The following ABLIM2 variants were observed in gnomAD, a reference collection of about 807,000 sequenced individuals.
ABLIM2 encodes the protein actin binding LIM protein family member 2.
Under a neutral mutation model 97.7 loss-of-function variants are expected in ABLIM2, and 53 were observed. The ratio of observed to expected loss-of-function variants is 0.54; its 90% CI spans 0.44 to 0.68. The LOEUF (loss-of-function observed/expected upper bound fraction) is 0.68, where lower values mean the gene tolerates loss of function less well. ABLIM2 is among the 30% of genes least tolerant of loss of function. The pLI is 0.00. For synonymous variants in ABLIM2, 361 were observed against 345.8 expected (o/e 1.04, Z -0.49); for missense variants, 835 against 867.2 (o/e 0.96, Z 0.47).
chr4:8,039,628 T>C (rs1786806004), intron 9 of ABLIM2, among the ~76,000 whole-genome samples: 1 of 152,208 alleles, frequency 6.6e-6, no homozygotes, highest in Non-Finnish European at 1.5e-5. Context: ...TATGGCCACT[T>C]ACAACAGTAT....
intron 1 of ABLIM2, among the ~76,000 whole-genome samples, chr4:8,110,595 CAAG>C (rs1488941911): frequency 7.4e-6 from 1 of 135,710 alleles, no homozygotes; most frequent in African/African-American, 2.8e-5. Flanking sequence ...TGGTTATTTT[CAAG>C]AACACTGGCC....
chr4:8,007,121 T>C (rs1560561597), intron 16 of ABLIM2: 1 of 985,324 alleles, frequency 1.0e-6, no homozygotes, highest in Non-Finnish European at 1.2e-6. Context: ...CTACTTTCAT[T>C]GTTAAGTAGG....
rs1198044141 is a variant in ABLIM2 at position 8,087,988 on chromosome 4, C to A, written c.454+181G>T. Among the ~76,000 whole-genome samples, 7 of 126,568 alleles carry A rather than the reference C, an allele frequency of 5.5e-5. No homozygotes were observed. The highest frequency in any genetic ancestry group is 5.8e-5 in the African/African-American group (2 of 34,322). 83.0% of individuals were successfully genotyped at this position (126,568 alleles called of 152,430 possible). On this transcript the variant is annotated intron_variant, in intron 4 of 20. Transcript: ENST00000447017. This position sits in a 1 kb window ranked among gnomAD's most constrained non-coding sequence, Gnocchi z 4.6. ...CAAGCCCCCAACTCAGCACCCCCCCCACAACCAGCAAGCCCCCACTTAGCA... is the reference window on the plus strand; with the variant it reads ...CAAGCCCCCAACTCAGCACCCCCCCAACAACCAGCAAGCCCCCACTTAGCA...
intron 20 of ABLIM2, among the ~76,000 whole-genome samples, chr4:7,976,233 G>A (rs1405754803): frequency 6.6e-6 from 1 of 152,136 alleles, no homozygotes; most frequent in Non-Finnish European, 1.5e-5. Flanking sequence ...AGCCTGCAGC[G>A]ACACCTGGGG....
chr4:8,092,703 G>C (rs1829488758), intron 3 of ABLIM2, among the ~76,000 whole-genome samples: 1 of 151,936 alleles, frequency 6.6e-6, no homozygotes, highest in Admixed American at 6.6e-5. Context: ...ACCCCCTTTG[G>C]AAAAAGCACA....
chr4:8,142,602 C>T (rs977908450), intron 1 of ABLIM2, among the ~76,000 whole-genome samples: 1 of 152,236 alleles, frequency 6.6e-6, no homozygotes, highest in Non-Finnish European at 1.5e-5. Flanking sequence ...TGCATGGGCT[C>T]ACTGGGGTCA....
chr4:7,967,631 G>T (rs976920312), intron 20 of ABLIM2, among the ~76,000 whole-genome samples: 6 of 152,240 alleles, frequency 3.9e-5, no homozygotes, highest in Admixed American at 2.6e-4. Context: ...GAAGCCCCTG[G>T]TGTGTAAGCG....
intron 10 of ABLIM2, among the ~76,000 whole-genome samples, chr4:8,035,908 AG>A (rs1560821217): frequency 6.6e-6 from 1 of 152,228 alleles, no homozygotes; most frequent in African/African-American, 2.4e-5. Context: ...ACTCCATTTA[AG>A]GAGGCATTCC....
intron 10 of ABLIM2, among the ~76,000 whole-genome samples, chr4:8,034,175 C>T (rs929361899): frequency 2.6e-5 from 4 of 152,194 alleles, no homozygotes; most frequent in Non-Finnish European, 5.9e-5. Flanking sequence ...GACTCTCTTC[C>T]AGCATCTGGT....
chr4:8,097,838 G>A (rs1240253056), intron 2 of ABLIM2, among the ~76,000 whole-genome samples: 2 of 150,812 alleles, frequency 1.3e-5, no homozygotes, highest in Admixed American at 6.6e-5. Flanking sequence ...CATGGCCCTC[G>A]ACGCCTGTCT....
At position 8,084,965 on chromosome 4, in the gene ABLIM2, A is replaced by G. The variant is rs28608188; in HGVS notation, c.454+3204T>C. On this transcript the variant is annotated intron_variant, in intron 4 of 20. Coordinates refer to ENST00000447017, the MANE Select transcript of ABLIM2 (RefSeq NM_001130083.2). ...GGCTCGTGACCAGCAATGGGTCAGC[A>G]CTGGAGAGCTGGGGGCCTCACGGGA... Among the ~76,000 whole-genome samples the G allele has an allele frequency of 5.0e-3, 763 of 152,246 alleles. 8 individuals carry two copies. Among genetic ancestry groups the G allele is most frequent in the African/African-American group, 0.017 (723 of 41,546 alleles).
chr4:8,119,749 A>T (rs1044259285), intron 1 of ABLIM2, among the ~76,000 whole-genome samples: 3 of 152,116 alleles, frequency 2.0e-5, no homozygotes, highest in African/African-American at 7.2e-5. Context: ...AAACAATCAA[A>T]CAAACAATTT....
At chr4:7,974,173 GTCTA>G (rs370714600) in intron 20 of ABLIM2, among the ~76,000 whole-genome samples, 325 of 152,048 alleles carry the variant, frequency 2.1e-3, no homozygotes, top group Non-Finnish European at 3.6e-3. Flanking sequence ...CTGTCTGTCT[GTCTA>G]TCTATCTATC....
intron 3 of ABLIM2, among the ~76,000 whole-genome samples, chr4:8,091,519 A>AT (rs1561330409): frequency 2.6e-5 from 1 of 38,186 alleles, no homozygotes; most frequent in Non-Finnish European, 4.2e-5. Context: ...AATATAAAAT[A>AT]TATATTATAT....
rs1820974653 is a variant in ABLIM2 at position 8,083,099 on chromosome 4, C to G, written c.455-2297G>C. ...GGACAGCCGCCCTCAACAGGGCTCT[C>G]TGGCCCCACATGTGAATGGTGCTGG... On this transcript the variant is annotated intron_variant, in intron 4 of 20. Coordinates refer to ENST00000447017, the MANE Select transcript of ABLIM2 (RefSeq NM_001130083.2). The surrounding 1 kb of genome is among the most constrained non-coding windows in gnomAD (Gnocchi z 4.6). Among the ~76,000 whole-genome samples, 1 of 152,190 alleles carries G rather than the reference C, an allele frequency of 6.6e-6. No homozygotes were observed.
At position 8,082,447 on chromosome 4, in the gene ABLIM2, C is replaced by G. The variant is rs554611393; in HGVS notation, c.455-1645G>C. 1.3e-4 allele frequency among the ~76,000 whole-genome samples: 20 copies of G among 152,358 alleles called. No homozygotes were observed. The highest frequency in any genetic ancestry group is 1.2e-3 in the Admixed American group (18 of 15,304). On this transcript the variant is annotated intron_variant, in intron 4 of 20. Transcript: ENST00000447017. This position sits in a 1 kb window ranked among gnomAD's most constrained non-coding sequence, Gnocchi z 5.6. ...TGAACAGTGAGCATCGGCGAGACCC[C>G]CTGTGGGCCTGCTGTGCGGTGAGAG...
Position 8,019,539 on chromosome 4 carries a change from A to C in ABLIM2, c.1423+79T>G. 1 of 1,410,130 alleles carries C rather than the reference A, an allele frequency of 7.1e-7. No homozygotes were observed. The allele number at this position is 1,410,130 out of a possible 1,614,324, so 87.4% of individuals were successfully genotyped here. A position where few individuals can be genotyped will look rare whatever the true frequency, so the allele number is the denominator to read the frequency against. ...TTCACTGCATTTATCAGAACACAAC[A>C]AAAGGATGCATTCAGAAGCAGATGG... is the stretch of plus-strand genomic sequence containing the variant. On this transcript the variant is annotated intron_variant, in intron 14 of 20. Transcript: ENST00000447017. This position sits in a 1 kb window ranked among gnomAD's most constrained non-coding sequence, Gnocchi z 4.3.
At position 8,112,268 on chromosome 4, in the gene ABLIM2, A is replaced by G. The variant is rs1840717679; in HGVS notation, c.11-5631T>C. The stretch of plus-strand genomic sequence containing the variant: ...CTGAACTCCTGGTCTGCCACCAGCC[A>G]GCCAGAATGGGAGCCAGCAGGGTCC... On this transcript the variant is annotated intron_variant, in intron 1 of 20. Transcript: ENST00000447017. The surrounding 1 kb of genome is among the most constrained non-coding windows in gnomAD (Gnocchi z 4.2). Among the ~76,000 whole-genome samples, 2 of 152,230 alleles carry G rather than the reference A, an allele frequency of 1.3e-5. No individual in the cohort carries two copies. The highest frequency in any genetic ancestry group is 4.8e-5 in the African/African-American group (2 of 41,466).
intron 1 of ABLIM2, among the ~76,000 whole-genome samples, chr4:8,158,099 C>T (rs1715986153): frequency 1.3e-5 from 2 of 152,232 alleles, no homozygotes; most frequent in South Asian, 4.1e-4. Context: ...GGGTGCGACG[C>T]GCAGGGGCGA....
Sources: gnomAD v4.1 joint callset for allele counts (sites outside exome capture counted in the v4.1 genomes callset) on GRCh38, gnomAD v4.1.1 for gene constraint, Gnocchi (gnomAD v3.1) non-coding constraint, MANE v1.5 for transcripts, NCBI Gene and HGNC (gene_info 2026-07-23, HGNC 2026-07-21) for gene names.